ADGRG7: variants seen among roughly 807,000 people sequenced by gnomAD.
ADGRG7 encodes G-protein coupled receptor 128.
A neutral mutation model predicts 88.6 loss-of-function variants in ADGRG7; 82 were observed. The ratio of observed to expected loss-of-function variants is 0.93; its 90% CI spans 0.77 to 1.11. The LOEUF is 1.11. ADGRG7 is among the 50% of genes most tolerant of loss of function. ADGRG7 has a pLI of 0.00. For synonymous variants in ADGRG7, 381 were observed against 345.2 expected, an observed-to-expected ratio of 1.10 and a Z score of -1.15; for missense variants, 945 against 953.4, an observed-to-expected ratio of 0.99 and a Z score of 0.12.
Position 100,609,889 on chromosome 3 carries a change from G to A in ADGRG7, c.33G>A (p.Val11=). 6.2e-7 allele frequency: 1 copy of A among 1,614,010 alleles called. No homozygotes were observed. The highest frequency in any genetic ancestry group is 1.1e-5 in the South Asian group (1 of 91,076). The change falls in exon 1 of 16, where the codon GTG becomes GTA. Residue 11 remains valine, a synonymous_variant. Coordinates refer to ENST00000273352, the MANE Select transcript of ADGRG7 (RefSeq NM_032787.3). ...CCTGCCGTGCCTGGAACCTTAGGGT[G>A]CTGGTGGCTGTCGTGTGTGGACTAC... MASCRAWNLR[V]LVAVVCGLLT...
chr3:100,688,723 T>C (rs1355795151), intron 15 of ADGRG7, among the ~76,000 whole-genome samples: 2 of 152,240 alleles, frequency 1.3e-5, no homozygotes, highest in Non-Finnish European at 2.9e-5. Flanking sequence ...CTAGTTTGAT[T>C]GCACTGTGGT....
At chr3:100,636,372 T>A (rs1707541394) in intron 5 of ADGRG7, among the ~76,000 whole-genome samples, 1 of 152,268 alleles carries the variant, frequency 6.6e-6, no homozygotes, top group Non-Finnish European at 1.5e-5. Context: ...ACATGTGATT[T>A]TAAACTGCAA....
At chr3:100,682,808 T>A (rs1430981747) in intron 15 of ADGRG7, among the ~76,000 whole-genome samples, 1 of 152,128 alleles carries the variant, frequency 6.6e-6, no homozygotes, top group African/African-American at 2.4e-5. Flanking sequence ...GAGCCCCACC[T>A]CTTCTCAGTT....
intron 6 of ADGRG7, 40 bp downstream of exon 6, chr3:100,637,442 G>A: frequency 2.2e-6 from 3 of 1,377,392 alleles, no homozygotes; most frequent in Non-Finnish European, 3.1e-6. Context: ...CTTGACTAAG[G>A]GCTGTTTACT....
At chr3:100,624,806 T>C (rs1483641475) in intron 1 of ADGRG7, among the ~76,000 whole-genome samples, 2 of 152,194 alleles carry the variant, frequency 1.3e-5, no homozygotes, top group Non-Finnish European at 2.9e-5. Flanking sequence ...CTTTCCCTAT[T>C]GCTTGTTTTT....
chr3:100,687,064 G>A (rs2094984028), intron 15 of ADGRG7, among the ~76,000 whole-genome samples: 1 of 152,096 alleles, frequency 6.6e-6, no homozygotes, highest in Non-Finnish European at 1.5e-5. Flanking sequence ...ATTGAGCAGT[G>A]GTTTGTAGTT....
At chr3:100,639,684 G>A (rs604311) in intron 6 of ADGRG7, among the ~76,000 whole-genome samples, 5 of 152,262 alleles carry the variant, frequency 3.3e-5, no homozygotes, top group African/African-American at 9.6e-5. Context: ...CTTGCTAGAC[G>A]GGAGGAATGA....
At chr3:100,625,029 G>T (rs963269844) in intron 1 of ADGRG7, among the ~76,000 whole-genome samples, 6 of 151,980 alleles carry the variant, frequency 3.9e-5, no homozygotes, top group Non-Finnish European at 2.9e-5. Flanking sequence ...ACTCTTTTTT[G>T]GTTCCATATA....
At chr3:100,669,578 G>C (rs1000534727) in intron 15 of ADGRG7, among the ~76,000 whole-genome samples, 6 of 149,102 alleles carry the variant, frequency 4.0e-5, no homozygotes, top group East Asian at 4.0e-4. Flanking sequence ...TGGGTACATA[G>C]TAGGTGTATA....
chr3:100,681,737 AG>A (rs2094973762), intron 15 of ADGRG7, among the ~76,000 whole-genome samples: 1 of 152,222 alleles, frequency 6.6e-6, no homozygotes, highest in South Asian at 2.1e-4. Context: ...TACTCTCTGT[AG>A]TATGGAAACA....
chr3:100,623,054 T>G (rs933095864), intron 1 of ADGRG7, among the ~76,000 whole-genome samples: 9 of 152,144 alleles, frequency 5.9e-5, no homozygotes, highest in Non-Finnish European at 5.9e-5. Flanking sequence ...GGAGCCACTG[T>G]GTCTGGCCTA....
chr3:100,651,731 A>G (rs1001188462), intron 11 of ADGRG7, among the ~76,000 whole-genome samples: 1 of 152,070 alleles, frequency 6.6e-6, no homozygotes, highest in Admixed American at 6.6e-5. Context: ...TAAAGACAAA[A>G]TTTTATTGAT....
chr3:100,680,667 C>T (rs2094972059), intron 15 of ADGRG7, among the ~76,000 whole-genome samples: 1 of 152,076 alleles, frequency 6.6e-6, no homozygotes, highest in East Asian at 1.9e-4. Flanking sequence ...ATTAACTTTT[C>T]GTTGTCAACT....
At chr3:100,674,917 A>G (rs2094963132) in intron 15 of ADGRG7, among the ~76,000 whole-genome samples, 1 of 152,074 alleles carries the variant, frequency 6.6e-6, no homozygotes, top group African/African-American at 2.4e-5. Flanking sequence ...GGCATATAGA[A>G]ATGCTACTAA....
At chr3:100,691,517 A>G (rs1293548542) in intron 15 of ADGRG7, among the ~76,000 whole-genome samples, 1 of 152,072 alleles carries the variant, frequency 6.6e-6, no homozygotes, top group East Asian at 1.9e-4. Context: ...ACCCTTCCCC[A>G]TTCTTATGTC....
At chr3:100,659,448 A>AG (rs1559683066) in intron 13 of ADGRG7, among the ~76,000 whole-genome samples, 1 of 89,792 alleles carries the variant, frequency 1.1e-5, no homozygotes, top group East Asian at 2.0e-4. Context: ...TCAAAAAAAA[A>AG]AAAAAAAAAA....
chr3:100,631,865 C>T (rs1707462588), intron 3 of ADGRG7, among the ~76,000 whole-genome samples: 1 of 152,046 alleles, frequency 6.6e-6, no homozygotes, highest in African/African-American at 2.4e-5. Context: ...TTGTGTTAGT[C>T]CATTCTTGCA....
At chr3:100,670,612 G>C (rs957427674) in intron 15 of ADGRG7, among the ~76,000 whole-genome samples, 1 of 152,010 alleles carries the variant, frequency 6.6e-6, no homozygotes, top group African/African-American at 2.4e-5. Flanking sequence ...TGCAGAACAT[G>C]CCAGTTTGTT....
At chr3:100,658,813 GT>G (rs1164145240) in intron 13 of ADGRG7, among the ~76,000 whole-genome samples, 1 of 152,022 alleles carries the variant, frequency 6.6e-6, no homozygotes, top group East Asian at 1.9e-4. Context: ...TATTTACTTT[GT>G]TTTATCTATT....
Sources: gnomAD v4.1 joint callset for allele counts (sites outside exome capture counted in the v4.1 genomes callset) on GRCh38, gnomAD v4.1.1 for gene constraint, MANE v1.5 for transcripts, NCBI Gene and HGNC (gene_info 2026-07-23, HGNC 2026-07-21) for gene names.